LAMB1: variants seen among roughly 807,000 people sequenced by gnomAD.
LAMB1 encodes the protein laminin subunit beta 1, also known as laminin subunit beta-1.
LAMB1 carries 121 observed loss-of-function variants against 222.3 expected under a neutral mutation model. That is an observed-to-expected ratio of 0.54 (90% CI 0.47 to 0.63). LAMB1 has a LOEUF of 0.63. Among genes scored for constraint, LAMB1 ranks in the 30% least tolerant of loss-of-function variants. The pLI is 0.00. For missense variants in LAMB1, 2,172 were observed against 2,240.8 expected (o/e 0.97, Z 0.62); for synonymous variants, 794 against 807.2 (o/e 0.98, Z 0.28).
chr7:107,991,724 T>C (rs1032578849), intron 5 of LAMB1, among the ~76,000 whole-genome samples: 3 of 151,720 alleles, frequency 2.0e-5, no homozygotes, highest in Non-Finnish European at 4.4e-5. Flanking sequence ...GCCTGGCCAA[T>C]ATGGTGAAAC....
At chr7:107,953,334 G>A (rs1240743167) in intron 22 of LAMB1, among the ~76,000 whole-genome samples, 196 bp downstream of exon 22, 2 of 150,634 alleles carry the variant, frequency 1.3e-5, no homozygotes, top group Non-Finnish European at 2.9e-5. Flanking sequence ...TCCAGCCTGG[G>A]TGATAGAGTG....
chr7:107,945,860 A>G (rs1004241628), intron 24 of LAMB1, among the ~76,000 whole-genome samples: 6 of 152,154 alleles, frequency 3.9e-5, no homozygotes, highest in Non-Finnish European at 8.8e-5. Flanking sequence ...ACCCTTCCCT[A>G]ATGACTCCAT....
At chr7:107,964,491 G>A (rs1257013626) in intron 14 of LAMB1, 61 bp downstream of exon 14, 4 of 1,597,302 alleles carry the variant, frequency 2.5e-6, no homozygotes, top group African/African-American at 2.7e-5. Context: ...TACAAAGCAT[G>A]TATGTTCCAC....
chr7:107,949,546 G>GA (rs1936852705), intron 24 of LAMB1, among the ~76,000 whole-genome samples: 1 of 152,234 alleles, frequency 6.6e-6, no homozygotes, highest in Admixed American at 6.5e-5. Flanking sequence ...ACATCTTGGA[G>GA]AAACTGGTCC....
rs2033354728 is a variant in LAMB1, at chr7:107,955,480, A to T, written c.2841T>A (p.Asp947Glu). ...PVTLQLACVC[D>E]PGYIGSRCDD... ...CACACGACTTACCAATGTATCCAGG[A>T]TCACAAACACAGGCAAGCTGTAAAG... The change falls in exon 21 of 34, where the codon GAT (aspartate) becomes GAA (glutamate). Residue 947 changes from aspartate (D) to glutamate (E), a missense_variant. Transcript: ENST00000222399. 1 of 1,613,806 alleles carries T rather than the reference A, an allele frequency of 6.2e-7. No homozygotes were observed. The highest frequency in any genetic ancestry group is 8.5e-7 in the Non-Finnish European group (1 of 1,179,936).
At chr7:107,937,301 C>T in intron 25 of LAMB1, 24 bp from the exon 26 acceptor site, 1 of 1,595,250 alleles carries the variant, frequency 6.3e-7, no homozygotes. Flanking sequence ...GTTAAGCTTA[C>T]TTACATAAAA....
chr7:107,986,252 T>A lies in LAMB1; in HGVS notation c.535A>T (p.Thr179Ser), dbSNP rs146127117. Residue 179 changes from threonine to serine, a missense_variant, in exon 6 of 34, where the codon ACT becomes TCT. Coordinates refer to ENST00000222399, the MANE Select transcript of LAMB1 (RefSeq NM_002291.3). ...TCATCGACTTTTTTCATGGGGCCAGTTGAAATGCCTGGAAACGAGGCCTCA... is the reference window on the plus strand; with the variant it reads ...TCATCGACTTTTTTCATGGGGCCAGATGAAATGCCTGGAAACGAGGCCTCA... ...DCEASFPGIS[T>S]GPMKKVDDII... 1 of 1,614,020 alleles carries A rather than the reference T, an allele frequency of 6.2e-7. No homozygotes were observed. The highest frequency in any genetic ancestry group is 1.3e-5 in the African/African-American group (1 of 74,920).
Position 107,960,711 on chromosome 7 carries a change from C to T in LAMB1, c.2110-62G>A, listed in dbSNP as rs965108141. 2.1e-6 allele frequency: 3 copies of T among 1,412,954 alleles called. No homozygotes were observed. In the African/African-American group the frequency reaches 4.2e-5, roughly 20 times the overall value. 87.5% of individuals were successfully genotyped at this position (1,412,954 alleles called of 1,614,324 possible). ...TGGTGCCCCATGGCATGGGTTTAAG[C>T]AAGCAAACGTGTAGAAAACCCAAAT... On this transcript the variant is annotated intron_variant, in intron 17 of 33. Transcript: ENST00000222399.
intron 13 of LAMB1, among the ~76,000 whole-genome samples, chr7:107,966,531 C>T (rs2033640790): frequency 6.6e-6 from 1 of 152,114 alleles, no homozygotes; most frequent in Non-Finnish European, 1.5e-5. Context: ...TCTTAACGTC[C>T]CATAGCCAAT....
At chr7:107,935,814 A>G (rs1255160236) in intron 26 of LAMB1, among the ~76,000 whole-genome samples, 158 bp from the exon 27 acceptor site, 1 of 152,204 alleles carries the variant, frequency 6.6e-6, no homozygotes, top group East Asian at 1.9e-4. Flanking sequence ...TGAGCAATGA[A>G]TATGTTTTGT....
chr7:107,978,151 A>G lies in LAMB1; in HGVS notation c.896T>C (p.Met299Thr), dbSNP rs780564804. ...EVEGMVHGHC[M>T]CRHNTKGLNC... is the part of the protein sequence containing the mutation. ...TAAGCCCTTGGTGTTATGCCTGCAC[A>G]TGCAGTGTCCGTGAACCTTGAAAGT... The change falls in exon 9 of 34, where the codon ATG becomes ACG. Residue 299 changes from methionine to threonine, a missense_variant. Coordinates refer to ENST00000222399, the MANE Select transcript of LAMB1 (RefSeq NM_002291.3). The G allele has an allele frequency of 6.2e-7, 1 of 1,614,122 alleles. No individual in the cohort carries two copies. Among genetic ancestry groups the G allele is most frequent in the Non-Finnish European group, 8.5e-7 (1 of 1,179,954 alleles).
rs754665572 is a variant in LAMB1, at chr7:107,975,816, C to G, written c.1062G>C (p.Thr354=). The G allele has an allele frequency of 1.2e-6, 2 of 1,614,008 alleles. No individual in the cohort carries two copies. Among genetic ancestry groups the G allele is most frequent in the African/African-American group, 1.3e-5 (1 of 74,978 alleles). ...CHFDMAVYLA[T]GNVSGGVCDD... The stretch of plus-strand genomic sequence containing the variant: ...CACACACGCCTCCGCTGACGTTCCC[C>G]GTGGCCAGGTAAACAGCCATGTCAA... Residue 354 remains threonine, a synonymous_variant, in exon 10 of 34, where the codon ACG becomes ACC. Coordinates refer to ENST00000222399, the MANE Select transcript of LAMB1 (RefSeq NM_002291.3).
At chr7:107,981,740 A>C (rs1432949771) in intron 7 of LAMB1, among the ~76,000 whole-genome samples, 1 of 152,238 alleles carries the variant, frequency 6.6e-6, no homozygotes, top group Non-Finnish European at 1.5e-5. Flanking sequence ...CCATTCAGGT[A>C]GGAAAAGATT....
intron 24 of LAMB1, chr7:107,950,961 T>TGTGTGC (rs1554405431): frequency 5.6e-6 from 2 of 357,412 alleles, no homozygotes; most frequent in East Asian, 6.1e-5. Flanking sequence ...TGTGTGTGTG[T>TGTGTGC]GCTTACACAC....
At chr7:107,944,039 C>T (rs2033057232) in intron 24 of LAMB1, among the ~76,000 whole-genome samples, 1 of 152,182 alleles carries the variant, frequency 6.6e-6, no homozygotes, top group Non-Finnish European at 1.5e-5. Context: ...CCTACTCACC[C>T]ATCTCCCTTA....
intron 7 of LAMB1, among the ~76,000 whole-genome samples, chr7:107,984,065 C>T (rs965078937): frequency 2.6e-5 from 4 of 152,126 alleles, no homozygotes; most frequent in African/African-American, 9.7e-5. Flanking sequence ...ATGGCAGAGA[C>T]TTCTGATTTC....
chr7:108,000,851 C>G (rs2034369433), intron 3 of LAMB1, among the ~76,000 whole-genome samples: 1 of 152,226 alleles, frequency 6.6e-6, no homozygotes, highest in African/African-American at 2.4e-5. Context: ...GGCCAGCCTC[C>G]TTTTTAAAAA....
rs965090302 is a variant in LAMB1, at chr7:107,997,769, A to C, written c.349+588T>G. On this transcript the variant is annotated intron_variant, in intron 4 of 33. Transcript: ENST00000222399. ...GCAATAGTAAAATCATATTTGATGA[A>C]TGTATTACACCAAATCCCAAATAGC... Among the ~76,000 whole-genome samples, 11 of 152,352 alleles carry C rather than the reference A, an allele frequency of 7.2e-5. No homozygotes were observed. The East Asian group carries it at 2.1e-3, about 29-fold the overall frequency.
In LAMB1 at chr7:107,971,850, C is replaced by T. The variant is rs1238757751; in HGVS notation, c.1562+1142G>A. On this transcript the variant is annotated intron_variant, in intron 13 of 33. Coordinates refer to ENST00000222399, the MANE Select transcript of LAMB1 (RefSeq NM_002291.3). ...TTACTTAGGGTTAAGAATCATAGGA[C>T]ATTCCTGAGTTTATGACATAATTTG... is the stretch of plus-strand genomic sequence containing the variant. Among the ~76,000 whole-genome samples, 5 of 152,174 alleles carry T rather than the reference C, an allele frequency of 3.3e-5. No individual in the cohort carries two copies. The East Asian group carries it at 7.7e-4, about 23-fold the overall frequency.
Sources: gnomAD v4.1 joint callset for allele counts (sites outside exome capture counted in the v4.1 genomes callset) on GRCh38, gnomAD v4.1.1 for gene constraint, MANE v1.5 for transcripts, NCBI Gene and HGNC (gene_info 2026-07-23, HGNC 2026-07-21) for gene names.